The following DNAJC5B variants were observed in gnomAD, a reference collection of about 807,000 sequenced individuals.
DNAJC5B encodes DnaJ heat shock protein family (Hsp40) member C5 beta, also known as dnaJ homolog subfamily C member 5B.
In DNAJC5B, 23 loss-of-function variants were observed where a neutral mutation model predicts 24.7. The ratio of observed to expected loss-of-function variants is 0.93; its 90% confidence interval spans 0.67 to 1.32. The LOEUF (loss-of-function observed/expected upper bound fraction) is 1.32, where lower values mean the gene tolerates loss of function less well. Among genes scored for constraint, DNAJC5B ranks in the 40% most tolerant of loss-of-function variants. The pLI, the probability that DNAJC5B is intolerant of heterozygous loss-of-function variation, is 0.00. For synonymous variants in DNAJC5B, 101 were observed against 90.1 expected (o/e 1.12, Z -0.68); for missense variants, 238 against 240.8 (o/e 0.99, Z 0.08).
rs1807564468 is a variant in DNAJC5B, at chr8:66,080,358, T to C, written c.334-19T>C. On this transcript the variant is annotated intron_variant, in intron 4 of 5. Transcript: ENST00000276570. ...CCATCACCCCTCATCCTCATTTTGC[T>C]TTACCTCTGTTTCCCTAGGCCCTGT... 1.2e-6 allele frequency: 2 copies of C among 1,604,532 alleles called. No individual in the cohort carries two copies. Among genetic ancestry groups the C allele is most frequent in the East Asian group, 4.5e-5 (2 of 44,848 alleles).
At chr8:66,041,258 C>A (rs1806602252) in intron 1 of DNAJC5B, among the ~76,000 whole-genome samples, 1 of 152,148 alleles carries the variant, frequency 6.6e-6, no homozygotes, top group Non-Finnish European at 1.5e-5. Flanking sequence ...CATGTCCTTG[C>A]ACATCACATG....
At chr8:66,051,433 A>T (rs980574222) in intron 2 of DNAJC5B, 98 bp from the exon 3 acceptor site, 1 of 746,136 alleles carries the variant, frequency 1.3e-6, no homozygotes, top group South Asian at 1.7e-5. Flanking sequence ...AATATTCTTC[A>T]AATTGTCATT....
intron 5 of DNAJC5B, among the ~76,000 whole-genome samples, chr8:66,090,766 A>C (rs1342271565): frequency 6.6e-6 from 1 of 152,146 alleles, no homozygotes; most frequent in African/African-American, 2.4e-5. Context: ...ACTGCCCAGG[A>C]AAAAGGCACC....
chr8:66,050,621 C>T (rs1447833720), intron 2 of DNAJC5B, among the ~76,000 whole-genome samples: 2 of 151,984 alleles, frequency 1.3e-5, no homozygotes, highest in African/African-American at 2.4e-5. Flanking sequence ...CAGGTAAGGC[C>T]GAGGCAGGTC....
intron 1 of DNAJC5B, among the ~76,000 whole-genome samples, chr8:66,031,626 T>C (rs971599440): frequency 5.3e-5 from 8 of 152,216 alleles, no homozygotes; most frequent in African/African-American, 1.9e-4. Context: ...GCACTCAGCA[T>C]GCCTGAGACC....
At chr8:66,051,442 T>C in intron 2 of DNAJC5B, 89 bp from the exon 3 acceptor site, 1 of 792,006 alleles carries the variant, frequency 1.3e-6, no homozygotes, top group Non-Finnish European at 2.1e-6. Flanking sequence ...CAAATTGTCA[T>C]TTTACAAAAG....
chr8:66,049,539 T>G (rs966277716), intron 2 of DNAJC5B, among the ~76,000 whole-genome samples: 1 of 152,240 alleles, frequency 6.6e-6, no homozygotes, highest in African/African-American at 2.4e-5. Flanking sequence ...GGCTATACCA[T>G]ATAGCCTTGG....
chr8:66,023,238 A>G (rs1483046384), intron 1 of DNAJC5B, among the ~76,000 whole-genome samples: 2 of 152,198 alleles, frequency 1.3e-5, no homozygotes, highest in East Asian at 3.8e-4. Context: ...CTGCCCCACA[A>G]TGAATGAATG....
intron 3 of DNAJC5B, among the ~76,000 whole-genome samples, chr8:66,052,904 G>A (rs1376022150): frequency 1.3e-5 from 2 of 152,048 alleles, no homozygotes; most frequent in Non-Finnish European, 2.9e-5. Flanking sequence ...CTTTCCAAGA[G>A]AGTGCTTGTT....
At chr8:66,075,363 T>C (rs529977019) in intron 3 of DNAJC5B, among the ~76,000 whole-genome samples, 8 of 152,020 alleles carry the variant, frequency 5.3e-5, no homozygotes, top group Middle Eastern at 3.4e-3. Flanking sequence ...AGACATGATA[T>C]CTTTGGAACC....
At chr8:66,047,244 G>C (rs775242695) in intron 2 of DNAJC5B, among the ~76,000 whole-genome samples, 7 of 152,222 alleles carry the variant, frequency 4.6e-5, no homozygotes, top group Non-Finnish European at 1.0e-4. Flanking sequence ...AATGGGGCCT[G>C]AGTCCTTTTC....
chr8:66,059,165 G>T (rs1807028318), intron 3 of DNAJC5B, among the ~76,000 whole-genome samples: 1 of 152,192 alleles, frequency 6.6e-6, no homozygotes, highest in Non-Finnish European at 1.5e-5. Flanking sequence ...CATCCCAAAG[G>T]GGTTGAAGTC....
In DNAJC5B at chr8:66,100,046, A is replaced by G. The variant is rs1261641146; in HGVS notation, c.*15A>G. On this transcript the variant is annotated 3_prime_UTR_variant, in exon 6 of 6. Coordinates refer to ENST00000276570, the MANE Select transcript of DNAJC5B (RefSeq NM_033105.6). ...CAGACTCTTGATATTGAGCCCTCAG[A>G]GAGTCCACAGTCCCTCCTCTCAGTT... 1.9e-6 allele frequency: 3 copies of G among 1,609,894 alleles called. No individual in the cohort carries two copies.
At chr8:66,077,678 A>C (rs1043496360) in intron 4 of DNAJC5B, among the ~76,000 whole-genome samples, 3 of 152,196 alleles carry the variant, frequency 2.0e-5, no homozygotes, top group Non-Finnish European at 4.4e-5. Flanking sequence ...ATAATTATTA[A>C]ATATCTAAAA....
At chr8:66,086,105 A>G (rs956303029) in intron 5 of DNAJC5B, among the ~76,000 whole-genome samples, 2 of 152,144 alleles carry the variant, frequency 1.3e-5, no homozygotes, top group Non-Finnish European at 2.9e-5. Flanking sequence ...CATTGCAAGT[A>G]TTTACAATTT....
intron 5 of DNAJC5B, among the ~76,000 whole-genome samples, chr8:66,095,505 ATTTCTTTC>A (rs372192380): frequency 6.7e-6 from 1 of 150,212 alleles, no homozygotes; most frequent in African/African-American, 2.4e-5. Context: ...TTTCTACTTA[ATTTCTTTC>A]TTTCTTTCTT....
At chr8:66,074,724 G>A (rs984233064) in intron 3 of DNAJC5B, among the ~76,000 whole-genome samples, 1 of 152,144 alleles carries the variant, frequency 6.6e-6, no homozygotes, top group Non-Finnish European at 1.5e-5. Context: ...TTGCTCTATG[G>A]ACAACATGCA....
chr8:66,070,598 T>C (rs924603129), intron 3 of DNAJC5B, among the ~76,000 whole-genome samples: 5 of 152,176 alleles, frequency 3.3e-5, no homozygotes, highest in Non-Finnish European at 7.3e-5. Flanking sequence ...ATAGGAAGAA[T>C]CAATATTGTG....
rs2128962013 is a variant in DNAJC5B, at chr8:66,065,758, C to T, written c.120-10902C>T. The stretch of plus-strand genomic sequence containing the variant: ...TTCGATATGGCTGTGTGAGAGGGGC[C>T]CTCATAGCATAAGACTGCCCAGGGG... On this transcript the variant is annotated intron_variant, in intron 3 of 5. Transcript: ENST00000276570. 1.3e-5 allele frequency among the ~76,000 whole-genome samples: 2 copies of T among 152,168 alleles called. 1 individual carries two copies. The highest frequency in any genetic ancestry group is 4.2e-4 in the South Asian group (2 of 4,812).
Sources: gnomAD v4.1 joint callset for allele counts (sites outside exome capture counted in the v4.1 genomes callset) on GRCh38, gnomAD v4.1.1 for gene constraint, MANE v1.5 for transcripts, NCBI Gene and HGNC (gene_info 2026-07-23, HGNC 2026-07-21) for gene names.